Variants in PGAP4 observed in about 807,000 individuals in gnomAD.
PGAP4 encodes the protein post-GPI attachment to proteins GalNAc transferase 4, also known as GPI-N-acetylgalactosamine transferase PGAP4.
A neutral mutation model predicts 28.2 loss-of-function variants in PGAP4; 12 were observed. The observed-to-expected ratio is 0.42, with a 90% confidence interval of 0.27 to 0.69. PGAP4 has a LOEUF of 0.69. PGAP4 is among the 30% of genes least tolerant of loss of function. The probability of loss-of-function intolerance (pLI) is 0.22; values close to 1 mark genes in which losing one functional copy is unlikely to be tolerated. For synonymous variants in PGAP4, 205 were observed against 211.8 expected, an observed-to-expected ratio of 0.97 and a Z score of 0.28; for missense variants, 425 against 513.5, an observed-to-expected ratio of 0.83 and a Z score of 1.67.
intron 2 of PGAP4, chr9:101,501,976 A>C (rs1826806305): frequency 3.5e-6 from 1 of 287,454 alleles, no homozygotes; most frequent in African/African-American, 2.2e-5. Context: ...AATAACTTTT[A>C]AGATCACAAA....
intron 2 of PGAP4, among the ~76,000 whole-genome samples, chr9:101,507,537 C>G (rs551323362): frequency 6.6e-6 from 1 of 152,224 alleles, no homozygotes; most frequent in East Asian, 1.9e-4. Context: ...AGTTCTTGAA[C>G]CCCTAAAAGC....
At chr9:101,485,073 T>A (rs1000852577) in intron 1 of PGAP4, among the ~76,000 whole-genome samples, 3 of 152,154 alleles carry the variant, frequency 2.0e-5, no homozygotes, top group African/African-American at 7.2e-5. Context: ...ATTTTTAAAT[T>A]TGTGATTTAA....
chr9:101,490,524 T>C (rs1227243098), upstream of PGAP4, among the ~76,000 whole-genome samples: 1 of 152,218 alleles, frequency 6.6e-6, no homozygotes, highest in Non-Finnish European at 1.5e-5. Context: ...AGGTTCTTGG[T>C]GCATCTCTTG....
intron 2 of PGAP4, among the ~76,000 whole-genome samples, chr9:101,504,209 G>GTTTTTT (rs3081858): frequency 2.3e-3 from 52 of 22,660 alleles, no homozygotes; most frequent in Non-Finnish European, 3.1e-3. Flanking sequence ...GTGTGTGTTT[G>GTTTTTT]TTTTTTTTTT....
At chr9:101,499,688 G>A (rs1704692669) in intron 2 of PGAP4, among the ~76,000 whole-genome samples, 1 of 151,988 alleles carries the variant, frequency 6.6e-6, no homozygotes, top group Non-Finnish European at 1.5e-5. Flanking sequence ...TGTGATTTTT[G>A]TAGTCTTTTG....
In PGAP4 at chr9:101,476,259, C is replaced by A; in HGVS notation, c.834G>T (p.Trp278Cys). The stretch of plus-strand genomic sequence containing the variant: ...GGCGGCTGGCAAACCTCATGTATAT[C>A]CAGGTTAGTAAGGGCCCCAGCAACA... ...VGMLLGPLLT[W>C]IYMRFASRPG... Residue 278 changes from tryptophan to cysteine, a missense_variant, in exon 2 of 2, where the codon TGG (tryptophan) becomes TGT (cysteine). Trp to Cys is a radical substitution (Grantham distance 215). Coordinates refer to ENST00000374848, the MANE Select transcript of PGAP4 (RefSeq NM_032342.3). The surrounding 1 kb of genome is among the most constrained non-coding windows in gnomAD (Gnocchi z 7.0). The A allele has an allele frequency of 6.2e-7, 1 of 1,614,092 alleles. No homozygotes were observed. Among genetic ancestry groups the A allele is most frequent in the Non-Finnish European group, 8.5e-7 (1 of 1,180,016 alleles).
chr9:101,489,172 T>A (rs1234459441), upstream of PGAP4: 2 of 151,884 alleles, frequency 1.3e-5, no homozygotes, highest in Non-Finnish European at 2.9e-5. Flanking sequence ...GGCTTCAGAG[T>A]CCATTCTCTT....
chr9:101,511,790 A>T (rs2118611342), intron 2 of PGAP4, among the ~76,000 whole-genome samples: 1 of 152,248 alleles, frequency 6.6e-6, no homozygotes, highest in South Asian at 2.1e-4. Flanking sequence ...GAGCATTTAT[A>T]ATTAGATTTC....
intron 2 of PGAP4, among the ~76,000 whole-genome samples, chr9:101,509,903 C>T (rs1289785456): frequency 6.6e-6 from 1 of 152,136 alleles, no homozygotes; most frequent in African/African-American, 2.4e-5. Context: ...CACAAGATGA[C>T]CATTTCAGTT....
At chr9:101,518,652 C>A (rs182766921) in intron 2 of PGAP4, among the ~76,000 whole-genome samples, 1 of 152,172 alleles carries the variant, frequency 6.6e-6, no homozygotes, top group African/African-American at 2.4e-5. Flanking sequence ...TAATTCATTC[C>A]TTTTTATGGC....
At chr9:101,477,562 G>A (rs1403033728) in intron 1 of PGAP4, among the ~76,000 whole-genome samples, 1 of 151,982 alleles carries the variant, frequency 6.6e-6, no homozygotes, top group African/African-American at 2.4e-5. Flanking sequence ...TGGCACAAAG[G>A]AAATATACAC....
At chr9:101,478,417 G>A (rs1826388823) in intron 1 of PGAP4, among the ~76,000 whole-genome samples, 1 of 152,190 alleles carries the variant, frequency 6.6e-6, no homozygotes, top group African/African-American at 2.4e-5. Context: ...ACATTTGGAG[G>A]AAAACTGTAT....
exon 1 of PGAP4, chr9:101,532,976 T>C (rs1333137954): frequency 6.6e-6 from 1 of 152,222 alleles, no homozygotes; most frequent in Non-Finnish European, 1.5e-5. Flanking sequence ...CGTCATTAGG[T>C]AGTTTATCAT....
chr9:101,507,027 A>G (rs1826853863), intron 2 of PGAP4, among the ~76,000 whole-genome samples: 1 of 152,050 alleles, frequency 6.6e-6, no homozygotes, highest in African/African-American at 2.4e-5. Flanking sequence ...CCTATGATTA[A>G]CCTTCCTTAG....
intron 2 of PGAP4, among the ~76,000 whole-genome samples, chr9:101,498,383 A>G (rs1405643593): frequency 6.6e-6 from 1 of 151,834 alleles, no homozygotes; most frequent in Non-Finnish European, 1.5e-5. Flanking sequence ...TTATTATTGT[A>G]CACAATTGCT....
At chr9:101,528,694 C>G (rs911225081) in intron 2 of PGAP4, among the ~76,000 whole-genome samples, 1 of 151,610 alleles carries the variant, frequency 6.6e-6, no homozygotes, top group Non-Finnish European at 1.5e-5. Flanking sequence ...CATAGAAATA[C>G]AAATGATAAA....
intron 2 of PGAP4, chr9:101,501,984 A>G (rs182752231): frequency 4.1e-4 from 117 of 285,194 alleles, no homozygotes; most frequent in Middle Eastern, 1.3e-3. Context: ...TTAAGATCAC[A>G]AAAGACACCT....
chr9:101,476,190 G>A lies in PGAP4; in HGVS notation c.903C>T (p.Ser301=), dbSNP rs1161720148. 1.2e-6 allele frequency: 2 copies of A among 1,614,160 alleles called. No homozygotes were observed. Among genetic ancestry groups the A allele is most frequent in the Non-Finnish European group, 1.7e-6 (2 of 1,180,032 alleles). The change falls in exon 2 of 2, where the codon AGC becomes AGT. Residue 301 remains serine, a synonymous_variant. Transcript: ENST00000374848. The surrounding 1 kb of genome is among the most constrained non-coding windows in gnomAD (Gnocchi z 7.0). ...WPVMLFFSLY[S]MGLVELVGRH... is the part of the protein sequence containing the mutation. Reference sequence around the variant, plus strand: ...GACCCACCAGCTCCACCAGACCCATGCTATACAGGGAGAAGAAGAGCATTA... The same window carrying A: ...GACCCACCAGCTCCACCAGACCCATACTATACAGGGAGAAGAAGAGCATTA...
At chr9:101,485,030 G>C (rs1826581512) in intron 1 of PGAP4, among the ~76,000 whole-genome samples, 1 of 152,150 alleles carries the variant, frequency 6.6e-6, no homozygotes, top group South Asian at 2.1e-4. Context: ...CACTGGGAAG[G>C]TGAACATGAC....
Sources: gnomAD v4.1 joint callset for allele counts (sites outside exome capture counted in the v4.1 genomes callset) on GRCh38, gnomAD v4.1.1 for gene constraint, Gnocchi (gnomAD v3.1) non-coding constraint, MANE v1.5 for transcripts, NCBI Gene and HGNC (gene_info 2026-07-23, HGNC 2026-07-21) for gene names.